Variants in AFF1 observed in about 807,000 individuals in gnomAD.
The protein encoded by AFF1 is ALF transcription elongation factor 1.
A neutral mutation model predicts 121.7 loss-of-function variants in AFF1; 48 were observed. The observed-to-expected ratio is 0.39, with a 90% CI of 0.31 to 0.50. The LOEUF (loss-of-function observed/expected upper bound fraction) is 0.50. AFF1 is among the 20% of genes least tolerant of loss of function. The probability of loss-of-function intolerance (pLI) is 0.76; values close to 1 mark genes in which losing one functional copy is unlikely to be tolerated. For synonymous variants in AFF1, 613 were observed against 563.0 expected, an observed-to-expected ratio of 1.09 and a Z score of -1.26; for missense variants, 1,523 against 1,511.7, an observed-to-expected ratio of 1.01 and a Z score of -0.12.
intron 2 of AFF1, chr4:86,973,764 CT>C (rs1195890973): frequency 1.4e-5 from 2 of 145,738 alleles, no homozygotes; most frequent in Non-Finnish European, 3.0e-5. Context: ...TCTTTTTTTT[CT>C]TTTCTTCCTT....
At chr4:86,978,295 T>C (rs1162914485) in intron 2 of AFF1, among the ~76,000 whole-genome samples, 1 of 147,628 alleles carries the variant, frequency 6.8e-6, no homozygotes, top group Non-Finnish European at 1.5e-5. Context: ...GCGATTCTCC[T>C]GCCTCAGCCT....
chr4:87,049,112 C>G (rs570483354), intron 4 of AFF1, among the ~76,000 whole-genome samples: 109 of 133,620 alleles, frequency 8.2e-4, no homozygotes, highest in African/African-American at 2.9e-3. Context: ...GGGGGGACAA[C>G]TTAACATTCT....
At chr4:86,990,166 T>TATAATA (rs35076194) in intron 2 of AFF1, among the ~76,000 whole-genome samples, 12 of 148,204 alleles carry the variant, frequency 8.1e-5, no homozygotes, top group East Asian at 4.0e-4. Flanking sequence ...GAACTTAAAT[T>TATAATA]ATAATAATAA....
In AFF1 at chr4:87,046,263, C is replaced by T; in HGVS notation, c.136C>T (p.Pro46Ser). Reference protein sequence around the residue: ...QEKEAFPEKIPLFGEPYKTAK... With the variant: ...QEKEAFPEKISLFGEPYKTAK... ...GAAAGAGGCATTTCCTGAAAAGATT[C>T]CCCTTTTTGGAGAGCCCTACAAGGT... Residue 46 changes from proline (P) to serine (S), a missense_variant, in exon 3 of 21, where the codon CCC becomes TCC. Physicochemically the swap from Pro to Ser is moderately conservative, Grantham distance 74. This residue lies in a region of AFF1 where 369 missense variants were observed against 367.2 expected (regional missense o/e 1.00). Transcript: ENST00000395146. 1 of 1,613,634 alleles carries T rather than the reference C, an allele frequency of 6.2e-7. No homozygotes were observed. Among genetic ancestry groups the T allele is most frequent in the Non-Finnish European group, 8.5e-7 (1 of 1,179,908 alleles).
intron 2 of AFF1, among the ~76,000 whole-genome samples, chr4:87,025,739 T>A (rs1275859537): frequency 6.6e-6 from 1 of 152,150 alleles, no homozygotes; most frequent in African/African-American, 2.4e-5. Flanking sequence ...CCCTAAGAAT[T>A]ACCTGGCCCC....
chr4:87,026,822 T>G (rs1728578373), intron 2 of AFF1, among the ~76,000 whole-genome samples: 1 of 152,214 alleles, frequency 6.6e-6, no homozygotes, highest in African/African-American at 2.4e-5. Context: ...AATCTGGTTC[T>G]CTCGTATTTT....
At chr4:87,129,362 C>T in intron 16 of AFF1, among the ~76,000 whole-genome samples, 1 of 152,188 alleles carries the variant, frequency 6.6e-6, no homozygotes, top group East Asian at 1.9e-4. Flanking sequence ...ACTACTTTAA[C>T]AATGTTTCAG....
chr4:86,949,734 G>A (rs997441261), intron 2 of AFF1: 16 of 1,602,778 alleles, frequency 1.0e-5, no homozygotes, highest in Non-Finnish European at 1.3e-5. Flanking sequence ...AGGTAGCTGC[G>A]GTGCTTGCCC....
chr4:87,107,515 A>G (rs956725609), intron 10 of AFF1, among the ~76,000 whole-genome samples: 4 of 152,174 alleles, frequency 2.6e-5, no homozygotes, highest in African/African-American at 9.7e-5. Context: ...AGGAAGTGTG[A>G]GTGGTTGGTT....
chr4:87,022,718 GTATA>G (rs1351157248), intron 2 of AFF1, among the ~76,000 whole-genome samples: 1 of 143,906 alleles, frequency 6.9e-6, no homozygotes, highest in East Asian at 2.0e-4. Context: ...ATATCTGTGT[GTATA>G]TATGTATATA....
rs114981988 is a variant in AFF1 at position 86,989,818 on chromosome 4, C to T, written c.38+41247C>T. The stretch of plus-strand genomic sequence containing the variant: ...TAGACGGGATAAAGAAAATACGGCA[C>T]GTATATACCATGGAATACTATGCAG... On this transcript the variant is annotated intron_variant, in intron 2 of 20. Transcript: ENST00000395146. Among the ~76,000 whole-genome samples the T allele has an allele frequency of 4.5e-3, 688 of 152,190 alleles. 8 individuals carry two copies. The highest frequency in any genetic ancestry group is 0.016 in the African/African-American group (661 of 41,500).
At chr4:87,068,691 T>C (rs1721638593) in intron 4 of AFF1, among the ~76,000 whole-genome samples, 1 of 152,156 alleles carries the variant, frequency 6.6e-6, no homozygotes, top group South Asian at 2.1e-4. Context: ...TAAGCAACGG[T>C]GTACTTGAGA....
At chr4:87,058,905 A>G (rs1720438509) in intron 4 of AFF1, among the ~76,000 whole-genome samples, 1 of 152,062 alleles carries the variant, frequency 6.6e-6, no homozygotes, top group Admixed American at 6.5e-5. Flanking sequence ...GATGAATTCG[A>G]GGAATGCTCT....
At chr4:86,948,678 G>A (rs949817265) in intron 2 of AFF1, 107 bp downstream of exon 2, 15 of 1,031,822 alleles carry the variant, frequency 1.5e-5, no homozygotes, top group African/African-American at 6.4e-5. Context: ...AAGAACTCAC[G>A]GGTGCAAGAA....
chr4:87,043,045 G>A (rs1266111911), intron 2 of AFF1, among the ~76,000 whole-genome samples: 1 of 152,194 alleles, frequency 6.6e-6, no homozygotes, highest in African/African-American at 2.4e-5. Context: ...TGTTAGTTGA[G>A]GTGTAACTGT....
rs1164595944 is a variant in AFF1, at chr4:87,095,042, T to G, written c.1283+73T>G. The G allele has an allele frequency of 4.3e-6, 6 of 1,384,856 alleles. No homozygotes were observed. In the East Asian group the frequency reaches 1.4e-4, roughly 32 times the overall value. 85.8% of individuals were successfully genotyped at this position (1,384,856 alleles called of 1,614,324 possible). On this transcript the variant is annotated intron_variant, in intron 8 of 20. Transcript: ENST00000395146. ...TAATGTCTCATGTCAATGCATTGCT[T>G]AGATTTTTCTGCCTTTATGTAATGA...
At chr4:87,060,281 T>C (rs1295513976) in intron 4 of AFF1, among the ~76,000 whole-genome samples, 1 of 152,212 alleles carries the variant, frequency 6.6e-6, no homozygotes, top group Non-Finnish European at 1.5e-5. Context: ...CTATAAAAGT[T>C]GGAAGTTTTA....
intron 11 of AFF1, among the ~76,000 whole-genome samples, chr4:87,113,094 G>A (rs978193380): frequency 6.6e-5 from 10 of 152,218 alleles, no homozygotes; most frequent in East Asian, 3.8e-4. Context: ...CTGGAGAGAC[G>A]TGGTGGGATG....
chr4:87,110,456 GT>G (rs1726368081), intron 11 of AFF1, among the ~76,000 whole-genome samples: 2 of 131,940 alleles, frequency 1.5e-5, no homozygotes, highest in African/African-American at 2.6e-5. Flanking sequence ...GTTTTGTTTT[GT>G]TTTGTTTTGT....
Sources: gnomAD v4.1 joint callset for allele counts (sites outside exome capture counted in the v4.1 genomes callset) on GRCh38, gnomAD v4.1.1 for gene constraint, gnomAD v4.1.1 regional missense constraint, MANE v1.5 for transcripts, NCBI Gene and HGNC (gene_info 2026-07-23, HGNC 2026-07-21) for gene names.